MAPK8: variants seen among roughly 807,000 people sequenced by gnomAD.
MAPK8 encodes mitogen-activated protein kinase 8, also known as JUN N-terminal kinase.
Under a neutral mutation model 52.9 loss-of-function variants are expected in MAPK8, and 13 were observed. That is an observed-to-expected ratio of 0.25 (90% confidence interval 0.16 to 0.39). MAPK8 has a LOEUF of 0.39. Among genes scored for constraint, MAPK8 ranks in the 10% least tolerant of loss-of-function variants. The probability of loss-of-function intolerance (pLI) is 1.00; values close to 1 mark genes in which losing one functional copy is unlikely to be tolerated. For synonymous variants in MAPK8, 191 were observed against 169.8 expected (o/e 1.12, Z -0.97); for missense variants, 300 against 519.2 (o/e 0.58, Z 4.10).
chr10:48,370,823 G>A (rs1179948364), intron 1 of MAPK8, among the ~76,000 whole-genome samples: 1 of 152,106 alleles, frequency 6.6e-6, no homozygotes, highest in Non-Finnish European at 1.5e-5. Flanking sequence ...TGACCAAGAG[G>A]CAGTTGAAAA....
intron 1 of MAPK8, chr10:48,325,761 TAC>T (rs1357158199): frequency 6.6e-6 from 1 of 152,272 alleles, no homozygotes; most frequent in Non-Finnish European, 1.5e-5. Flanking sequence ...AATACCACAT[TAC>T]ATTTTGTTGT....
At chr10:48,404,800 T>G in intron 2 of MAPK8, 52 bp from the exon 3 acceptor site, 3 of 1,462,748 alleles carry the variant, frequency 2.1e-6, no homozygotes, top group Non-Finnish European at 2.8e-6. Context: ...GAATTCAGTT[T>G]ACAGATTTTT....
intron 2 of MAPK8, among the ~76,000 whole-genome samples, chr10:48,404,562 T>C (rs1457209601): frequency 6.6e-6 from 1 of 152,194 alleles, no homozygotes; most frequent in Admixed American, 6.5e-5. Context: ...ATTTGTACAT[T>C]GAGTGCCCAC....
chr10:48,438,163 G>GTA lies in MAPK8; in HGVS notation c.*3135_*3136insAT, dbSNP rs982446410. 6.6e-6 allele frequency: 1 copy of GTA among 152,228 alleles called. No homozygotes were observed. The highest frequency in any genetic ancestry group is 2.4e-5 in the African/African-American group (1 of 41,448). The allele number at this position is 152,228 out of a possible 1,614,324, so 9.4% of individuals were successfully genotyped here. A position where few individuals can be genotyped will look rare whatever the true frequency, so the allele number is the denominator to read the frequency against. On this transcript the variant is annotated 3_prime_UTR_variant, in exon 12 of 12. Transcript: ENST00000374189. ...TCATTAGTTACACATTAGCTATAGA[G>GTA]TGGATGCATGAAGCCCCATGACACC...
intron 1 of MAPK8, among the ~76,000 whole-genome samples, chr10:48,380,754 G>A (rs532902771): frequency 2.8e-4 from 43 of 152,162 alleles, no homozygotes; most frequent in Middle Eastern, 3.4e-3. Flanking sequence ...ATAAATAAAT[G>A]TAAATTAAAC....
At chr10:48,356,654 C>G (rs1354562873) in intron 1 of MAPK8, among the ~76,000 whole-genome samples, 2 of 151,626 alleles carry the variant, frequency 1.3e-5, no homozygotes, top group Non-Finnish European at 2.9e-5. Context: ...CCAGCCTGGC[C>G]AACATGGTGA....
chr10:48,363,307 C>A (rs11596599), intron 1 of MAPK8, among the ~76,000 whole-genome samples: 5,478 of 152,280 alleles, frequency 0.036, 136 homozygotes, highest in Non-Finnish European at 0.048. Flanking sequence ...TCTTTATATG[C>A]GCTCATAGAA....
At chr10:48,319,143 G>A (rs1842760115) in intron 1 of MAPK8, among the ~76,000 whole-genome samples, 1 of 152,078 alleles carries the variant, frequency 6.6e-6, no homozygotes, top group East Asian at 1.9e-4. Flanking sequence ...TAGAATTTTG[G>A]GAGATCACAA....
chr10:48,359,017 C>T (rs1011633934), intron 1 of MAPK8, among the ~76,000 whole-genome samples: 3 of 152,038 alleles, frequency 2.0e-5, no homozygotes, highest in African/African-American at 7.2e-5. Context: ...CTGTGTAGTA[C>T]GTTTTGAAGT....
At chr10:48,376,632 CTCA>C (rs2040680436) in intron 1 of MAPK8, among the ~76,000 whole-genome samples, 2 of 152,178 alleles carry the variant, frequency 1.3e-5, no homozygotes. Context: ...TGAAAAAATG[CTCA>C]TCATCACTGG....
At position 48,418,817 on chromosome 10, in the gene MAPK8, CTT is replaced by C. The variant is rs376949745; in HGVS notation, c.451-1336_451-1335del. The stretch of plus-strand genomic sequence containing the variant: ...TTTTTTGCTTAACAAAAATATCTGT[CTT>C]TAAAAATTGTTACTTTGCTCTTAAT... On this transcript the variant is annotated intron_variant, in intron 5 of 11. Transcript: ENST00000374189. Among the ~76,000 whole-genome samples, 256 of 152,130 alleles carry C rather than the reference CTT, an allele frequency of 1.7e-3. 1 individual carries two copies. The highest frequency in any genetic ancestry group is 5.9e-3 in the African/African-American group (244 of 41,522).
intron 1 of MAPK8, among the ~76,000 whole-genome samples, chr10:48,400,750 G>A (rs1279040698): frequency 6.6e-6 from 1 of 152,116 alleles, no homozygotes; most frequent in African/African-American, 2.4e-5. Flanking sequence ...GAGGAGGCGA[G>A]GAATAGGTTA....
chr10:48,310,138 T>A (rs1246928815), intron 1 of MAPK8, among the ~76,000 whole-genome samples: 1 of 152,096 alleles, frequency 6.6e-6, no homozygotes, highest in African/African-American at 2.4e-5. Flanking sequence ...CAGACCTAGG[T>A]TCATTTCTCA....
chr10:48,378,569 A>G (rs1405350260), intron 1 of MAPK8, among the ~76,000 whole-genome samples: 1 of 152,150 alleles, frequency 6.6e-6, no homozygotes, highest in African/African-American at 2.4e-5. Flanking sequence ...TTCTTTACAG[A>G]CTGGTTGTAG....
intron 1 of MAPK8, among the ~76,000 whole-genome samples, chr10:48,318,543 G>A (rs1842711649): frequency 6.6e-6 from 1 of 152,160 alleles, no homozygotes; most frequent in African/African-American, 2.4e-5. Context: ...TGAATGCCAT[G>A]GTCAGAGTGG....
intron 7 of MAPK8, chr10:48,424,663 T>G: frequency 2.2e-6 from 2 of 916,442 alleles, no homozygotes; most frequent in Admixed American, 2.6e-5. Flanking sequence ...TCAGGTATAA[T>G]GTATTTTGTC....
intron 1 of MAPK8, among the ~76,000 whole-genome samples, chr10:48,368,990 G>T (rs1470423074): frequency 6.6e-6 from 1 of 152,098 alleles, no homozygotes; most frequent in Non-Finnish European, 1.5e-5. Context: ...CTGGTTCCTT[G>T]TCAGTTGTCT....
intron 1 of MAPK8, among the ~76,000 whole-genome samples, chr10:48,399,244 G>A (rs2042037958): frequency 1.3e-5 from 2 of 152,238 alleles, no homozygotes; most frequent in Non-Finnish European, 2.9e-5. Flanking sequence ...CTGCAACACT[G>A]TGAGGAGCCA....
intron 1 of MAPK8, among the ~76,000 whole-genome samples, chr10:48,388,069 A>G (rs1319275474): frequency 6.6e-6 from 1 of 152,336 alleles, no homozygotes; most frequent in East Asian, 1.9e-4. Flanking sequence ...AAAGGAAAGT[A>G]TACAGGTGTT....
Sources: gnomAD v4.1 joint callset for allele counts (sites outside exome capture counted in the v4.1 genomes callset) on GRCh38, gnomAD v4.1.1 for gene constraint, MANE v1.5 for transcripts, NCBI Gene and HGNC (gene_info 2026-07-23, HGNC 2026-07-21) for gene names.